The following SMOC2 variants were observed in gnomAD, a reference collection of about 807,000 sequenced individuals.
The protein encoded by SMOC2 is SPARC related modular calcium binding 2.
A neutral mutation model predicts 61.4 loss-of-function variants in SMOC2; 39 were observed. The ratio of observed to expected loss-of-function variants is 0.64; its 90% CI spans 0.49 to 0.83. The LOEUF (loss-of-function observed/expected upper bound fraction) is 0.83. Among genes scored for constraint, SMOC2 ranks in the 40% least tolerant of loss-of-function variants. The pLI is 0.00. For missense variants in SMOC2, 556 were observed against 592.9 expected (o/e 0.94, Z 0.65); for synonymous variants, 247 against 239.9 (o/e 1.03, Z -0.27).
intron 1 of SMOC2, among the ~76,000 whole-genome samples, chr6:168,492,567 CA>C (rs952877075): frequency 6.6e-6 from 1 of 152,246 alleles, no homozygotes; most frequent in African/African-American, 2.4e-5. Flanking sequence ...AATATACACA[CA>C]AGCATCTGTT....
At chr6:168,636,927 C>T (rs1414497287) in intron 9 of SMOC2, among the ~76,000 whole-genome samples, 5 of 122,734 alleles carry the variant, frequency 4.1e-5, no homozygotes, top group Non-Finnish European at 6.9e-5. Flanking sequence ...TCCCTCCTCC[C>T]CCCTCCCCAC....
chr6:168,612,588 C>A (rs1785908457), intron 9 of SMOC2, among the ~76,000 whole-genome samples: 1 of 152,116 alleles, frequency 6.6e-6, no homozygotes, highest in Non-Finnish European at 1.5e-5. Context: ...GAGAGGGTGA[C>A]CCCAGCCTTT....
At chr6:168,650,269 G>A (rs1427472445) in intron 9 of SMOC2, among the ~76,000 whole-genome samples, 12 of 152,132 alleles carry the variant, frequency 7.9e-5, no homozygotes, top group Non-Finnish European at 1.8e-4. Context: ...GGACAGGGTG[G>A]GGGTGGCGGT....
intron 4 of SMOC2, among the ~76,000 whole-genome samples, chr6:168,537,652 C>G (rs1195384094): frequency 6.6e-6 from 1 of 152,222 alleles, no homozygotes; most frequent in Non-Finnish European, 1.5e-5. Context: ...TCTCACAGGC[C>G]TGGAGCCCCT....
chr6:168,652,355 C>T (rs917499292), intron 10 of SMOC2, among the ~76,000 whole-genome samples: 1 of 152,146 alleles, frequency 6.6e-6, no homozygotes, highest in Non-Finnish European at 1.5e-5. Context: ...GGGCCAGCAC[C>T]TCCAGGAGGG....
intron 2 of SMOC2, among the ~76,000 whole-genome samples, chr6:168,510,871 C>T (rs1018846231): frequency 5.3e-5 from 8 of 152,176 alleles, no homozygotes; most frequent in African/African-American, 1.9e-4. Context: ...ACGACGAAGG[C>T]AGAATTTTGC....
intron 1 of SMOC2, among the ~76,000 whole-genome samples, chr6:168,466,523 C>T (rs1348382306): frequency 6.6e-6 from 1 of 152,226 alleles, no homozygotes; most frequent in Non-Finnish European, 1.5e-5. Context: ...CATTGTCAGG[C>T]CACTGCCTGC....
intron 7 of SMOC2, among the ~76,000 whole-genome samples, chr6:168,573,986 G>C (rs181868570): frequency 1.3e-5 from 2 of 152,254 alleles, no homozygotes; most frequent in South Asian, 2.1e-4. Flanking sequence ...TTCTCTGGAG[G>C]GGGAGGGATG....
At chr6:168,659,730 G>A (rs1347613667) in intron 11 of SMOC2, among the ~76,000 whole-genome samples, 14 of 151,956 alleles carry the variant, frequency 9.2e-5, no homozygotes, top group African/African-American at 3.1e-4. Context: ...GAGGGTGGAG[G>A]TTGTAGGTTG....
chr6:168,599,757 C>T (rs1441552941), intron 8 of SMOC2, among the ~76,000 whole-genome samples: 2 of 85,976 alleles, frequency 2.3e-5, no homozygotes, highest in Admixed American at 1.0e-4. Context: ...CACACTCATA[C>T]AATCCCCCAA....
chr6:168,457,493 A>T (rs1781612949), intron 1 of SMOC2, among the ~76,000 whole-genome samples: 1 of 152,180 alleles, frequency 6.6e-6, no homozygotes, highest in Non-Finnish European at 1.5e-5. Flanking sequence ...CAGTAATCAC[A>T]AAGTGGCCTG....
At chr6:168,491,021 A>G (rs1782460741) in intron 1 of SMOC2, among the ~76,000 whole-genome samples, 1 of 152,198 alleles carries the variant, frequency 6.6e-6, no homozygotes, top group African/African-American at 2.4e-5. Flanking sequence ...ATATTTCTGC[A>G]TCATCTTGTG....
intron 9 of SMOC2, among the ~76,000 whole-genome samples, chr6:168,615,831 A>T (rs1327162630): frequency 6.6e-6 from 1 of 152,228 alleles, no homozygotes; most frequent in Non-Finnish European, 1.5e-5. Context: ...TCTTTGACTC[A>T]TGTAGAAACC....
rs570942902 is a variant in SMOC2, at chr6:168,657,711, G to A, written c.1285+4483G>A. Among the ~76,000 whole-genome samples, 4 of 152,282 alleles carry A rather than the reference G, an allele frequency of 2.6e-5. No homozygotes were observed. In the East Asian group the frequency reaches 5.8e-4, roughly 22 times the overall value. On this transcript the variant is annotated intron_variant, in intron 11 of 12. Transcript: ENST00000356284. ...AGAGGCTGGGCAGTCCAAGATTGTG[G>A]AATCAGCATCTGGTGAGGGCCTTTG...
intron 2 of SMOC2, among the ~76,000 whole-genome samples, chr6:168,515,331 G>C (rs1190334311): frequency 6.6e-6 from 1 of 152,204 alleles, no homozygotes; most frequent in Non-Finnish European, 1.5e-5. Flanking sequence ...GGCGGCAAAC[G>C]TTACAATCAG....
chr6:168,590,541 C>T (rs76357152), intron 7 of SMOC2, among the ~76,000 whole-genome samples: 32,145 of 151,892 alleles, frequency 0.21, 3,773 homozygotes, highest in South Asian at 0.28. Flanking sequence ...CTGCTGGAAG[C>T]TGAGCAAGAA....
At chr6:168,469,769 G>T (rs1231014987) in intron 1 of SMOC2, among the ~76,000 whole-genome samples, 1 of 152,116 alleles carries the variant, frequency 6.6e-6, no homozygotes, top group Non-Finnish European at 1.5e-5. Context: ...CCCACGTGCA[G>T]CCTCGTTAGG....
intron 1 of SMOC2, among the ~76,000 whole-genome samples, chr6:168,507,586 G>A (rs545988270): frequency 6.6e-6 from 1 of 152,350 alleles, no homozygotes; most frequent in South Asian, 2.1e-4. Flanking sequence ...GGAGCTGCCT[G>A]CCCCCGGGGC....
intron 1 of SMOC2, among the ~76,000 whole-genome samples, chr6:168,472,432 C>A (rs1781984981): frequency 6.6e-6 from 1 of 152,144 alleles, no homozygotes; most frequent in Non-Finnish European, 1.5e-5. Flanking sequence ...CCCTCTTCCA[C>A]TATCACCTGG....
Sources: gnomAD v4.1 joint callset for allele counts (sites outside exome capture counted in the v4.1 genomes callset) on GRCh38, gnomAD v4.1.1 for gene constraint, MANE v1.5 for transcripts, NCBI Gene and HGNC (gene_info 2026-07-23, HGNC 2026-07-21) for gene names.